The following ASTN1 variants were observed in gnomAD, a reference collection of about 807,000 sequenced individuals.
ASTN1 encodes astrotactin 1, also known as astrotactin-1.
A neutral mutation model predicts 140.7 loss-of-function variants in ASTN1; 41 were observed. That is an observed-to-expected ratio of 0.29 (90% confidence interval 0.23 to 0.38). ASTN1 has a LOEUF of 0.38. ASTN1 is among the 10% of genes least tolerant of loss of function. ASTN1 has a pLI of 1.00. For missense variants in ASTN1, 1,479 were observed against 1,678.8 expected (o/e 0.88, Z 2.08); for synonymous variants, 640 against 652.2 (o/e 0.98, Z 0.29).
rs1242531512 is a variant in ASTN1, at chr1:177,023,528, A to G, written c.1314T>C (p.Ser438=). The change falls in exon 7 of 23, where the codon AGT becomes AGC. Residue 438 remains serine, a synonymous_variant. Transcript: ENST00000361833. ...CCACTTGGGCAGGGTTCAGCCAGTCACTGGCATCCAGCTGGCTCCCCTCCA... is the reference window on the plus strand; with the variant it reads ...CCACTTGGGCAGGGTTCAGCCAGTCGCTGGCATCCAGCTGGCTCCCCTCCA... The part of the protein sequence containing the change: ...ILLEGSQLDA[S]DWLNPAQVVL... 6.2e-7 allele frequency: 1 copy of G among 1,605,806 alleles called. No individual in the cohort carries two copies. The highest frequency in any genetic ancestry group is 8.5e-7 in the Non-Finnish European group (1 of 1,177,492).
chr1:177,010,992 C>T (rs1277272693), intron 8 of ASTN1, among the ~76,000 whole-genome samples: 6 of 152,120 alleles, frequency 3.9e-5, no homozygotes, highest in South Asian at 2.1e-4. Flanking sequence ...CTCCTGCTAG[C>T]GGGTCTAGTA....
At chr1:177,154,673 C>CA (rs61637734) in intron 1 of ASTN1, among the ~76,000 whole-genome samples, 22 of 147,808 alleles carry the variant, frequency 1.5e-4, no homozygotes, top group East Asian at 4.0e-4. Flanking sequence ...GAACACATAC[C>CA]AAAAAAAAAA....
At chr1:176,946,438 C>T (rs1424210085) in intron 12 of ASTN1, among the ~76,000 whole-genome samples, 1 of 152,162 alleles carries the variant, frequency 6.6e-6, no homozygotes, top group Non-Finnish European at 1.5e-5. Context: ...TGAAGATAAG[C>T]TTGCAAATGA....
chr1:177,061,065 G>A lies in ASTN1; in HGVS notation c.471+13C>T. 3 of 1,573,320 alleles carry A rather than the reference G, an allele frequency of 1.9e-6. No homozygotes were observed. Among genetic ancestry groups the A allele is most frequent in the Non-Finnish European group, 1.7e-6 (2 of 1,159,360 alleles). ...AGCTATGGCCTGAGAGGCTAAGGCT[G>A]TTCTGCTCTTACCATGACTGAGATG... is the stretch of plus-strand genomic sequence containing the variant. On this transcript the variant is annotated intron_variant, in intron 2 of 22. Transcript: ENST00000361833.
chr1:176,862,820 C>T lies in ASTN1; in HGVS notation c.*1464G>A, dbSNP rs1668010939. ...CAAGCACTCAATAAATGTTATCTGT[C>T]ACTACTACTATTTAGAAAAAAAACC... On this transcript the variant is annotated 3_prime_UTR_variant, in exon 23 of 23. Transcript: ENST00000361833. 1 of 985,330 alleles carries T rather than the reference C, an allele frequency of 1.0e-6. No individual in the cohort carries two copies. Among genetic ancestry groups the T allele is most frequent in the Non-Finnish European group, 1.2e-6 (1 of 829,854 alleles). The allele number at this position is 985,330 out of a possible 1,614,324, so 61.0% of individuals were successfully genotyped here.
chr1:176,999,250 A>C (rs917679831), intron 8 of ASTN1, among the ~76,000 whole-genome samples: 4 of 152,196 alleles, frequency 2.6e-5, no homozygotes, highest in African/African-American at 9.6e-5. Flanking sequence ...ATTCTTTAAA[A>C]CAATAAAGAA....
chr1:176,919,853 C>A (rs879066911), intron 16 of ASTN1, among the ~76,000 whole-genome samples: 1 of 152,190 alleles, frequency 6.6e-6, no homozygotes, highest in South Asian at 2.1e-4. Context: ...TGAAGAAAAA[C>A]CCCAAGGACA....
chr1:176,913,786 T>C (rs906157176), intron 16 of ASTN1, among the ~76,000 whole-genome samples: 1 of 152,142 alleles, frequency 6.6e-6, no homozygotes, highest in Non-Finnish European at 1.5e-5. Context: ...GATTGGAAAG[T>C]AGATAAGAGA....
intron 16 of ASTN1, among the ~76,000 whole-genome samples, chr1:176,915,412 C>A (rs1197083068): frequency 1.3e-5 from 2 of 152,214 alleles, no homozygotes; most frequent in African/African-American, 4.8e-5. Context: ...CTCCTTGCAT[C>A]AAGCCTCCTT....
At chr1:177,150,597 T>C (rs1392491303) in intron 1 of ASTN1, among the ~76,000 whole-genome samples, 1 of 151,890 alleles carries the variant, frequency 6.6e-6, no homozygotes, top group Non-Finnish European at 1.5e-5. Flanking sequence ...AGTGAAAGAG[T>C]ATGAGAAAGC....
In ASTN1 at chr1:177,159,137, A is replaced by G. The variant is rs1275759597; in HGVS notation, c.283+5257T>C. On this transcript the variant is annotated intron_variant, in intron 1 of 22. Transcript: ENST00000361833. ...AACTCTAATTACTTGAATTCAAGTC[A>G]TATCAACATATCTAAAAAAGCAGTT... Among the ~76,000 whole-genome samples the G allele has an allele frequency of 2.0e-5, 3 of 152,028 alleles. No homozygotes were observed. In the East Asian group the frequency reaches 5.8e-4, roughly 29 times the overall value.
intron 2 of ASTN1, among the ~76,000 whole-genome samples, chr1:177,047,954 A>T (rs368920277): frequency 6.6e-6 from 1 of 152,220 alleles, no homozygotes; most frequent in Non-Finnish European, 1.5e-5. Context: ...TGGAACGATC[A>T]GCTAGGTAAG....
chr1:177,118,321 A>G (rs868401908), intron 1 of ASTN1, among the ~76,000 whole-genome samples: 2 of 152,336 alleles, frequency 1.3e-5, no homozygotes, highest in African/African-American at 4.8e-5. Context: ...TTTAAAAATG[A>G]CAGGTGTTAT....
At chr1:177,049,155 C>G (rs547366851) in intron 2 of ASTN1, among the ~76,000 whole-genome samples, 2 of 152,318 alleles carry the variant, frequency 1.3e-5, no homozygotes, top group East Asian at 3.9e-4. Flanking sequence ...ATGTCCTTCA[C>G]TTTCACATTC....
At chr1:177,010,593 T>C (rs1190518471) in intron 8 of ASTN1, among the ~76,000 whole-genome samples, 1 of 152,222 alleles carries the variant, frequency 6.6e-6, no homozygotes, top group Admixed American at 6.5e-5. Context: ...GATCTTGTAA[T>C]TTGCCATCTG....
chr1:177,123,505 T>C (rs111850959), intron 1 of ASTN1, among the ~76,000 whole-genome samples: 2,398 of 152,262 alleles, frequency 0.016, 22 homozygotes, highest in South Asian at 0.026. Flanking sequence ...TATTTTTCCC[T>C]TGTTACAGAT....
chr1:176,916,911 C>T (rs896495259), intron 16 of ASTN1, among the ~76,000 whole-genome samples: 2 of 152,168 alleles, frequency 1.3e-5, no homozygotes, highest in Non-Finnish European at 2.9e-5. Flanking sequence ...GCCCCGCCCA[C>T]AACCAGCCTC....
rs34890552 is a variant in ASTN1 at position 176,997,792 on chromosome 1, T to C, written c.1523+16999A>G. Among the ~76,000 whole-genome samples, 680 of 152,146 alleles carry C rather than the reference T, an allele frequency of 4.5e-3. 3 individuals are homozygous for C. Among genetic ancestry groups the C allele is most frequent in the South Asian group, 6.2e-3 (30 of 4,822 alleles). On this transcript the variant is annotated intron_variant, in intron 8 of 22. Coordinates refer to ENST00000361833, the MANE Select transcript of ASTN1 (RefSeq NM_004319.3). ...AATAGATAGTCACAGGCCTGAGGCA[T>C]CCCAAAGGAGGAAGAGAGGGCTTCC... is the stretch of plus-strand genomic sequence containing the variant.
intron 5 of ASTN1, 141 bp downstream of exon 5, chr1:177,029,493 C>A: frequency 1.2e-6 from 1 of 846,394 alleles, no homozygotes. Context: ...GAGGAAACAC[C>A]AGTTGTGGTC....
Sources: allele counts gnomAD v4.1 joint callset (sites outside exome capture counted in the v4.1 genomes callset), GRCh38; gene constraint gnomAD v4.1.1; transcripts MANE v1.5; gene names NCBI Gene and HGNC (gene_info 2026-07-23, HGNC 2026-07-21).